STAM2: variants seen among roughly 807,000 people sequenced by gnomAD.
STAM2 encodes the protein signal transducing adaptor molecule 2.
In STAM2, 51 loss-of-function variants were observed where a neutral mutation model predicts 65.6. The ratio of observed to expected loss-of-function variants is 0.78; its 90% CI spans 0.62 to 0.98. STAM2 has a LOEUF of 0.98. Ranked by LOEUF, STAM2 falls within the 50% of genes least tolerant of loss-of-function variation. STAM2 has a pLI of 0.00. For missense variants in STAM2, 584 were observed against 617.8 expected (o/e 0.95, Z 0.58); for synonymous variants, 198 against 208.4 (o/e 0.95, Z 0.43).
At chr2:152,145,146 C>G (rs1689314957) in intron 5 of STAM2, among the ~76,000 whole-genome samples, 189 bp from the exon 6 acceptor site, 1 of 152,182 alleles carries the variant, frequency 6.6e-6, no homozygotes, top group Admixed American at 6.5e-5. Context: ...TCATAGCTCA[C>G]TGTAACCTCC....
At chr2:152,149,434 C>T (rs185681628) in intron 2 of STAM2, among the ~76,000 whole-genome samples, 200 of 151,510 alleles carry the variant, frequency 1.3e-3, no homozygotes, top group African/African-American at 4.6e-3. Context: ...CAACACCCCA[C>T]GCAGCCGAAA....
intron 4 of STAM2, 27 bp from the exon 5 acceptor site, chr2:152,147,335 A>G (rs1689353539): frequency 1.3e-6 from 2 of 1,518,714 alleles, no homozygotes; most frequent in Non-Finnish European, 1.8e-6. Context: ...AAGGAAAATA[A>G]ACAAAAATCT....
In STAM2 at chr2:152,150,285, A is replaced by G; in HGVS notation, c.41-56T>C. ...AGGACACATCTCATATAACACTAAA[A>G]TACCAGTAAAGGTCCAACAGTTAAG... On this transcript the variant is annotated intron_variant, in intron 1 of 13. Coordinates refer to ENST00000263904, the MANE Select transcript of STAM2 (RefSeq NM_005843.6). 1.8e-6 allele frequency: 2 copies of G among 1,133,804 alleles called. 1 individual carries two copies. Among genetic ancestry groups the G allele is most frequent in the South Asian group, 2.6e-5 (2 of 76,638 alleles). The allele number at this position is 1,133,804 out of a possible 1,614,324, so 70.2% of individuals were successfully genotyped here. A position where few individuals can be genotyped will look rare whatever the true frequency, so the allele number is the denominator to read the frequency against.
Position 152,122,348 on chromosome 2 carries a change from C to A in STAM2, c.1349+1418G>T, listed in dbSNP as rs1173024611. On this transcript the variant is annotated intron_variant, in intron 13 of 13. Coordinates refer to ENST00000263904, the MANE Select transcript of STAM2 (RefSeq NM_005843.6). ...TCAGAGGTTGGAAGATCCCTTAAGCCCGGGAGTTGGAGGCTGCAGTGAACT... is the reference window on the plus strand; with the variant it reads ...TCAGAGGTTGGAAGATCCCTTAAGCACGGGAGTTGGAGGCTGCAGTGAACT... Among the ~76,000 whole-genome samples, 6 of 151,818 alleles carry A rather than the reference C, an allele frequency of 4.0e-5. No individual in the cohort carries two copies. In the East Asian group the frequency reaches 1.2e-3, roughly 29 times the overall value.
intron 1 of STAM2, among the ~76,000 whole-genome samples, chr2:152,171,763 G>T (rs1363268370): frequency 1.3e-5 from 2 of 152,228 alleles, no homozygotes; most frequent in Non-Finnish European, 2.9e-5. Flanking sequence ...TTTGAGCTCA[G>T]CTTTGTGGGA....
chr2:152,146,003 C>T (rs1689331421), intron 5 of STAM2, among the ~76,000 whole-genome samples: 1 of 152,132 alleles, frequency 6.6e-6, no homozygotes, highest in African/African-American at 2.4e-5. Context: ...AGCGTGGTGG[C>T]TCATGCCTGT....
chr2:152,134,433 AAAT>A (rs1461270136), intron 8 of STAM2, among the ~76,000 whole-genome samples: 1 of 152,222 alleles, frequency 6.6e-6, no homozygotes, highest in African/African-American at 2.4e-5. Context: ...ATAAAATTAT[AAAT>A]AATGGCAAAG....
chr2:152,140,852 G>T (rs917418923), intron 7 of STAM2, among the ~76,000 whole-genome samples: 2 of 152,126 alleles, frequency 1.3e-5, no homozygotes, highest in African/African-American at 4.8e-5. Flanking sequence ...AACATGGAGT[G>T]GGCCAGGCAC....
intron 5 of STAM2, among the ~76,000 whole-genome samples, chr2:152,146,508 C>T (rs1446328574): frequency 6.6e-6 from 1 of 152,102 alleles, no homozygotes; most frequent in African/African-American, 2.4e-5. Context: ...AAAGCTATCC[C>T]TTCTCCCAGC....
intron 8 of STAM2, among the ~76,000 whole-genome samples, chr2:152,134,645 T>C (rs1442436757): frequency 2.0e-5 from 3 of 152,224 alleles, no homozygotes; most frequent in Admixed American, 1.3e-4. Flanking sequence ...TTTAGAATCC[T>C]GGCTCAATCA....
intron 8 of STAM2, among the ~76,000 whole-genome samples, chr2:152,134,562 T>C (rs758077296): frequency 1.3e-5 from 2 of 152,334 alleles, no homozygotes; most frequent in African/African-American, 2.4e-5. Context: ...TTTGAAGTTC[T>C]TTCTCCTGAA....
chr2:152,144,758 C>T (rs1274851484), intron 6 of STAM2, 130 bp downstream of exon 6: 3 of 668,886 alleles, frequency 4.5e-6, no homozygotes, highest in South Asian at 1.7e-5. Context: ...AGGCTGGTCT[C>T]GATCTCTTGA....
At chr2:152,153,658 C>T (rs1689486884) in intron 1 of STAM2, among the ~76,000 whole-genome samples, 1 of 152,104 alleles carries the variant, frequency 6.6e-6, no homozygotes, top group South Asian at 2.1e-4. Context: ...GCAAAACATA[C>T]CTACTCAGGT....
chr2:152,146,907 C>T (rs1560217187), intron 5 of STAM2, among the ~76,000 whole-genome samples: 1 of 152,132 alleles, frequency 6.6e-6, no homozygotes, highest in East Asian at 1.9e-4. Context: ...ATACCTATGC[C>T]TTTTGCATGA....
chr2:152,164,769 C>G (rs1227185729), intron 1 of STAM2, among the ~76,000 whole-genome samples: 1 of 152,130 alleles, frequency 6.6e-6, no homozygotes, highest in Non-Finnish European at 1.5e-5. Context: ...TCTGGGGCGA[C>G]TAGGAGGAGT....
At position 152,175,514 on chromosome 2, in the gene STAM2, C is replaced by T. The variant is rs1475305935; in HGVS notation, c.40+89G>A. On this transcript the variant is annotated intron_variant, in intron 1 of 13. Coordinates refer to ENST00000263904, the MANE Select transcript of STAM2 (RefSeq NM_005843.6). Reference sequence around the variant, plus strand: ...CCTCCCTTCGCTTTGCTTCCTAGTCCCCGGAGTCGCTACCGCCCACTTTCT... The same window carrying T: ...CCTCCCTTCGCTTTGCTTCCTAGTCTCCGGAGTCGCTACCGCCCACTTTCT... The T allele has an allele frequency of 2.6e-6, 4 of 1,543,062 alleles. No homozygotes were observed. In the African/African-American group the frequency reaches 4.1e-5, roughly 16 times the overall value.
intron 7 of STAM2, among the ~76,000 whole-genome samples, chr2:152,138,663 C>A (rs12621378): frequency 1.3e-5 from 2 of 151,858 alleles, no homozygotes; most frequent in African/African-American, 4.8e-5. Context: ...TAGAAAGAGA[C>A]GAAAGAGTTA....
At chr2:152,152,524 G>C (rs1245861373) in intron 1 of STAM2, among the ~76,000 whole-genome samples, 1 of 151,816 alleles carries the variant, frequency 6.6e-6, no homozygotes, top group Non-Finnish European at 1.5e-5. Flanking sequence ...ACTCTAGCCT[G>C]GGTGACAGAG....
chr2:152,142,873 A>C (rs543339293), intron 7 of STAM2, among the ~76,000 whole-genome samples: 3 of 152,320 alleles, frequency 2.0e-5, no homozygotes, highest in Non-Finnish European at 4.4e-5. Context: ...AACTTCTTGC[A>C]AAATTTTTTA....
Sources: gnomAD v4.1 joint callset for allele counts (sites outside exome capture counted in the v4.1 genomes callset) on GRCh38, gnomAD v4.1.1 for gene constraint, MANE v1.5 for transcripts, NCBI Gene and HGNC (gene_info 2026-07-23, HGNC 2026-07-21) for gene names.